Variants in PSMB1 observed in about 807,000 individuals in gnomAD.
The protein encoded by PSMB1 is proteasome subunit beta type-1.
PSMB1 carries 7 observed loss-of-function variants against 25.4 expected under a neutral mutation model. The observed-to-expected ratio is 0.28, with a 90% confidence interval of 0.16 to 0.52. PSMB1 has a LOEUF of 0.52. Among genes scored for constraint, PSMB1 ranks in the 20% least tolerant of loss-of-function variants. The pLI is 0.97. For missense variants in PSMB1, 284 were observed against 302.2 expected (o/e 0.94, Z 0.45); for synonymous variants, 119 against 115.0 (o/e 1.03, Z -0.22).
At chr6:170,538,354 T>C (rs1194810244) in intron 4 of PSMB1, among the ~76,000 whole-genome samples, 1 of 152,208 alleles carries the variant, frequency 6.6e-6, no homozygotes, top group Non-Finnish European at 1.5e-5. Flanking sequence ...ACAATCTCCT[T>C]ACTAACCATG....
rs538318839 is a variant in PSMB1 at position 170,540,955 on chromosome 6, G to A, written c.433+2646C>T. 3.9e-5 allele frequency among the ~76,000 whole-genome samples: 6 copies of A among 152,108 alleles called. No homozygotes were observed. In the South Asian group the frequency reaches 1.2e-3, roughly 32 times the overall value. Reference sequence around the variant, plus strand: ...GGTAGGGGAGGAGGAGAGGAAAGAAGGTGGAGAAAGAGGATAAAACAAATA... The same window carrying A: ...GGTAGGGGAGGAGGAGAGGAAAGAAAGTGGAGAAAGAGGATAAAACAAATA... On this transcript the variant is annotated intron_variant, in intron 4 of 5. Transcript: ENST00000262193.
At position 170,535,223 on chromosome 6, in the gene PSMB1, G is replaced by A. The variant is rs780549950; in HGVS notation, c.723C>T (p.Asp241=). 1.2e-6 allele frequency: 2 copies of A among 1,613,810 alleles called. No homozygotes were observed. Among genetic ancestry groups the A allele is most frequent in the South Asian group, 2.2e-5 (2 of 91,052 alleles). ...IREETVSLRK[D] ...ATTGGTGATAAGAGCACACAGATCA[G>A]TCCTTCCTTAAGGAAACAGTTTCCT... The change falls in exon 6 of 6, where the codon GAC becomes GAT. Residue 241 remains aspartate (D), a synonymous_variant. Transcript: ENST00000262193.
intron 1 of PSMB1, 144 bp from the exon 2 acceptor site, chr6:170,549,257 G>A: frequency 4.0e-6 from 2 of 496,972 alleles, no homozygotes; most frequent in South Asian, 7.6e-5. Context: ...AAGATGAGCG[G>A]GAAGAGAATG....
intron 5 of PSMB1, 38 bp from the exon 6 acceptor site, chr6:170,535,443 C>CAG (rs756332918): frequency 1.3e-4 from 195 of 1,547,366 alleles, no homozygotes; most frequent in Non-Finnish European, 1.7e-4. Flanking sequence ...TGTCATGTGA[C>CAG]AGTGAGCACA....
intron 1 of PSMB1, among the ~76,000 whole-genome samples, chr6:170,551,277 A>G (rs914149280): frequency 6.6e-6 from 1 of 152,194 alleles, no homozygotes; most frequent in Non-Finnish European, 1.5e-5. Flanking sequence ...GAATCGAGGG[A>G]CTCATGAGAG....
intron 4 of PSMB1, among the ~76,000 whole-genome samples, chr6:170,538,268 A>T (rs1233054824): frequency 6.6e-6 from 1 of 152,184 alleles, no homozygotes. Context: ...ACAAGGTATG[A>T]TTTTTTAAAA....
chr6:170,541,193 G>A (rs1280907888), intron 4 of PSMB1, among the ~76,000 whole-genome samples: 3 of 152,044 alleles, frequency 2.0e-5, no homozygotes, highest in African/African-American at 4.8e-5. Context: ...GGAGCAAGGG[G>A]AAAAGGGATC....
chr6:170,544,212 G>T (rs1009605097), intron 3 of PSMB1, among the ~76,000 whole-genome samples: 1 of 108,766 alleles, frequency 9.2e-6, no homozygotes, highest in African/African-American at 4.6e-5. Context: ...TTTACTATCT[G>T]GTCCTTTACA....
intron 5 of PSMB1, chr6:170,536,562 G>C (rs1778696280): frequency 6.7e-6 from 3 of 446,880 alleles, no homozygotes; most frequent in African/African-American, 4.0e-5. Flanking sequence ...GATTCTCCTT[G>C]TAAACAGATG....
intron 1 of PSMB1, among the ~76,000 whole-genome samples, chr6:170,550,766 G>A (rs974035903): frequency 7.2e-5 from 11 of 152,100 alleles, no homozygotes; most frequent in African/African-American, 2.7e-4. Flanking sequence ...AAATGTTTTA[G>A]GAACTGGGAA....
chr6:170,540,687 A>G (rs1778749046), intron 4 of PSMB1, among the ~76,000 whole-genome samples: 1 of 151,860 alleles, frequency 6.6e-6, no homozygotes, highest in African/African-American at 2.4e-5. Context: ...AAAAAAAAAC[A>G]TTCTGATGAA....
chr6:170,539,723 T>G (rs954716583), intron 4 of PSMB1, among the ~76,000 whole-genome samples: 1 of 152,130 alleles, frequency 6.6e-6, no homozygotes, highest in South Asian at 2.1e-4. Flanking sequence ...ATACTTCAAC[T>G]ACTCGAAGTT....
chr6:170,537,544 A>C (rs1778710271), intron 4 of PSMB1, among the ~76,000 whole-genome samples: 1 of 152,150 alleles, frequency 6.6e-6, no homozygotes, highest in African/African-American at 2.4e-5. Context: ...GAACCCAGTC[A>C]CCATTGCACA....
chr6:170,549,244 G>A (rs17860779), intron 1 of PSMB1, 131 bp from the exon 2 acceptor site: 25,983 of 516,958 alleles, frequency 0.05, 801 homozygotes, highest in Non-Finnish European at 0.063. Flanking sequence ...AATGGGAAGA[G>A]GAAAGATGAG....
chr6:170,547,901 G>A (rs1277472663), intron 2 of PSMB1, among the ~76,000 whole-genome samples: 2 of 106,566 alleles, frequency 1.9e-5, no homozygotes, highest in Non-Finnish European at 4.2e-5. Flanking sequence ...AAAAAAAAGT[G>A]CTCACTTCAC....
At chr6:170,536,496 G>C (rs1428732156) in intron 5 of PSMB1, 1 of 456,534 alleles carries the variant, frequency 2.2e-6, no homozygotes, top group South Asian at 1.5e-5. Context: ...TGAATTGCTT[G>C]ATATGTACTG....
chr6:170,546,778 T>G (rs1778825341), intron 2 of PSMB1, among the ~76,000 whole-genome samples: 1 of 152,176 alleles, frequency 6.6e-6, no homozygotes, highest in Admixed American at 6.5e-5. Flanking sequence ...TGAAGGTAGA[T>G]TTAAACAACA....
intron 1 of PSMB1, among the ~76,000 whole-genome samples, chr6:170,551,005 C>T (rs531340821): frequency 1.5e-4 from 22 of 151,262 alleles, no homozygotes; most frequent in Middle Eastern, 3.4e-3. Context: ...ATTAGCCAGG[C>T]GTGGTGGCAG....
intron 3 of PSMB1, among the ~76,000 whole-genome samples, chr6:170,544,948 C>T (rs1170600135): frequency 6.6e-6 from 1 of 151,974 alleles, no homozygotes. Context: ...GGTTCGAGAC[C>T]AGCCTGGCCA....
Sources: allele counts gnomAD v4.1 joint callset (sites outside exome capture counted in the v4.1 genomes callset), GRCh38; gene constraint gnomAD v4.1.1; transcripts MANE v1.5; gene names NCBI Gene and HGNC (gene_info 2026-07-23, HGNC 2026-07-21).